The following GDNF variants were observed in gnomAD, a reference collection of about 807,000 sequenced individuals.
GDNF encodes glial cell derived neurotrophic factor.
GDNF carries 5 observed loss-of-function variants against 13.7 expected under a neutral mutation model. The ratio of observed to expected loss-of-function variants is 0.36; its 90% CI spans 0.19 to 0.77. The LOEUF is 0.77. Among genes scored for constraint, GDNF ranks in the 30% least tolerant of loss-of-function variants. GDNF has a pLI of 0.51. For synonymous variants in GDNF, 122 were observed against 112.5 expected (o/e 1.08, Z -0.53); for missense variants, 246 against 274.3 (o/e 0.90, Z 0.73).
At chr5:37,817,657 A>G (rs146792077) in intron 2 of GDNF, among the ~76,000 whole-genome samples, 22 of 152,022 alleles carry the variant, frequency 1.4e-4, no homozygotes, top group African/African-American at 4.1e-4. Flanking sequence ...GATATATAAT[A>G]ATGAAAAGAC....
intron 2 of GDNF, among the ~76,000 whole-genome samples, chr5:37,818,605 C>T (rs1750014000): frequency 6.6e-6 from 1 of 152,158 alleles, no homozygotes; most frequent in African/African-American, 2.4e-5. Flanking sequence ...CTAGTCATGA[C>T]AGATCAAGGT....
At chr5:37,831,728 C>A (rs1750529335) in intron 2 of GDNF, among the ~76,000 whole-genome samples, 1 of 152,208 alleles carries the variant, frequency 6.6e-6, no homozygotes, top group African/African-American at 2.4e-5. Context: ...TTCCTTTCAG[C>A]TCGAAAATGC....
chr5:37,837,763 C>T lies in GDNF; in HGVS notation c.-27+1744G>A, dbSNP rs1175650093. 6.6e-6 allele frequency among the ~76,000 whole-genome samples: 1 copy of T among 152,160 alleles called. No homozygotes were observed. The highest frequency in any genetic ancestry group is 1.5e-5 in the Non-Finnish European group (1 of 68,028). The stretch of plus-strand genomic sequence containing the variant: ...CTCCATTCTCGCTGGTTTTCCTCTC[C>T]CCACTTCACCTGAGCGGGTTTCTTG... On this transcript the variant is annotated intron_variant, in intron 1 of 2. Coordinates refer to ENST00000326524, the MANE Select transcript of GDNF (RefSeq NM_000514.4). The surrounding 1 kb of genome is among the most constrained non-coding windows in gnomAD (Gnocchi z 6.5).
At chr5:37,833,042 A>G (rs1035115282) in intron 2 of GDNF, among the ~76,000 whole-genome samples, 1 of 152,222 alleles carries the variant, frequency 6.6e-6, no homozygotes, top group Non-Finnish European at 1.5e-5. Flanking sequence ...AAAGTCACAG[A>G]GTTAGTTGAA....
chr5:37,837,017 G>T lies in GDNF; in HGVS notation c.-26-2195C>A, dbSNP rs1390355939. 6.6e-6 allele frequency among the ~76,000 whole-genome samples: 1 copy of T among 152,182 alleles called. No homozygotes were observed. On this transcript the variant is annotated intron_variant, in intron 1 of 2. Coordinates refer to ENST00000326524, the MANE Select transcript of GDNF (RefSeq NM_000514.4). This position sits in a 1 kb window ranked among gnomAD's most constrained non-coding sequence, Gnocchi z 6.5. ...GGATCGAGCTCCCCTCTTCCCCCGGGACAGGGAGGGCGCATTCTTCCCTCT... is the reference window on the plus strand; with the variant it reads ...GGATCGAGCTCCCCTCTTCCCCCGGTACAGGGAGGGCGCATTCTTCCCTCT...
rs1373662225 is a variant in GDNF at position 37,838,946 on chromosome 5, C to A, written c.-27+561G>T. ...AGGGCGTTAGGAACGTGCAGGCAACCGGGTGAGGAATGTAGCTTTGCCAGA... is the reference window on the plus strand; with the variant it reads ...AGGGCGTTAGGAACGTGCAGGCAACAGGGTGAGGAATGTAGCTTTGCCAGA... On this transcript the variant is annotated intron_variant, in intron 1 of 2. Coordinates refer to ENST00000326524, the MANE Select transcript of GDNF (RefSeq NM_000514.4). This position sits in a 1 kb window ranked among gnomAD's most constrained non-coding sequence, Gnocchi z 4.1. 1.3e-5 allele frequency among the ~76,000 whole-genome samples: 2 copies of A among 152,118 alleles called. No individual in the cohort carries two copies. Among genetic ancestry groups the A allele is most frequent in the African/African-American group, 2.4e-5 (1 of 41,420 alleles).
chr5:37,830,226 C>T lies in GDNF; in HGVS notation c.151+4420G>A, dbSNP rs1344609830. Among the ~76,000 whole-genome samples the T allele has an allele frequency of 3.9e-5, 6 of 152,190 alleles. No homozygotes were observed. In the East Asian group the frequency reaches 7.7e-4, roughly 20 times the overall value. ...CTGGGATGGATCATTTACAAAGATA[C>T]GCTCCATCTCCATACAGGTAGCCTC... On this transcript the variant is annotated intron_variant, in intron 2 of 2. Transcript: ENST00000326524.
intron 2 of GDNF, among the ~76,000 whole-genome samples, chr5:37,834,434 G>A (rs969660384): frequency 6.6e-6 from 1 of 152,204 alleles, no homozygotes; most frequent in Admixed American, 6.5e-5. Flanking sequence ...CTCTGTGCTG[G>A]GCAAACCAGC....
chr5:37,836,354 G>A (rs1243242680), intron 1 of GDNF, among the ~76,000 whole-genome samples: 3 of 152,050 alleles, frequency 2.0e-5, no homozygotes, highest in African/African-American at 7.2e-5. Context: ...CCCGGTGCAG[G>A]CAACCCGGGG....
rs1161519535 is a variant in GDNF, at chr5:37,815,634, A to C, written c.*17T>G. 1 of 1,610,742 alleles carries C rather than the reference A, an allele frequency of 6.2e-7. No homozygotes were observed. Among genetic ancestry groups the C allele is most frequent in the Non-Finnish European group, 8.5e-7 (1 of 1,177,030 alleles). ...CTGTAGCAGGAATGCAATACACAGC[A>C]GTCTCTGGAGCCGGAGTCAGATACA... On this transcript the variant is annotated 3_prime_UTR_variant, in exon 3 of 3. Coordinates refer to ENST00000326524, the MANE Select transcript of GDNF (RefSeq NM_000514.4). The surrounding 1 kb of genome is among the most constrained non-coding windows in gnomAD (Gnocchi z 5.0).
In GDNF at chr5:37,829,610, G is replaced by T. The variant is rs181604832; in HGVS notation, c.151+5036C>A. On this transcript the variant is annotated intron_variant, in intron 2 of 2. Transcript: ENST00000326524. ...GCTTAAGTAATTAACTAAAAAACAA[G>T]TATTTTAATCAAATGAAGGTGCTAT... is the stretch of plus-strand genomic sequence containing the variant. Among the ~76,000 whole-genome samples the T allele has an allele frequency of 1.4e-4, 21 of 152,302 alleles. 1 individual carries two copies. In the East Asian group the frequency reaches 3.5e-3, roughly 25 times the overall value.
At chr5:37,836,850 G>A (rs1229052865) in intron 1 of GDNF, among the ~76,000 whole-genome samples, 1 of 152,256 alleles carries the variant, frequency 6.6e-6, no homozygotes, top group Non-Finnish European at 1.5e-5. Context: ...GGCCGACGGA[G>A]GGCTTTTTAA....
intron 2 of GDNF, among the ~76,000 whole-genome samples, chr5:37,818,570 TACA>T (rs1750012308): frequency 6.6e-6 from 1 of 152,150 alleles, no homozygotes; most frequent in African/African-American, 2.4e-5. Context: ...AACAGACTAA[TACA>T]AGGCCCATAG....
intron 2 of GDNF, among the ~76,000 whole-genome samples, chr5:37,832,122 T>A (rs2111708624): frequency 6.6e-6 from 1 of 152,378 alleles, no homozygotes; most frequent in Admixed American, 6.5e-5. Flanking sequence ...CTGTGTATAT[T>A]CTGGTCCTCC....
rs887224895 is a variant in GDNF at position 37,839,343 on chromosome 5, C to G, written c.-27+164G>C. Among the ~76,000 whole-genome samples the G allele has an allele frequency of 6.6e-6, 1 of 152,210 alleles. No homozygotes were observed. The highest frequency in any genetic ancestry group is 1.5e-5 in the Non-Finnish European group (1 of 68,036). Reference sequence around the variant, plus strand: ...TCTCTCCGGTTCTACTTTTCTCTCTCCTCGCATAGCTTAGGTTCCCTCTAG... The same window carrying G: ...TCTCTCCGGTTCTACTTTTCTCTCTGCTCGCATAGCTTAGGTTCCCTCTAG... On this transcript the variant is annotated intron_variant, in intron 1 of 2. Transcript: ENST00000326524. This position sits in a 1 kb window ranked among gnomAD's most constrained non-coding sequence, Gnocchi z 5.5.
rs1263594044 is a variant in GDNF, at chr5:37,812,732, TAA to T, written c.*2917_*2918del. On this transcript the variant is annotated 3_prime_UTR_variant, in exon 3 of 3. Transcript: ENST00000326524. Reference sequence around the variant, plus strand: ...GTTACAAAATGATATTGTACAAAAATAAAGTCTGTAGAGAACTTTGGTTTTAT... The same window carrying T: ...GTTACAAAATGATATTGTACAAAAATAGTCTGTAGAGAACTTTGGTTTTAT... 3 of 152,302 alleles carry T rather than the reference TAA, an allele frequency of 2.0e-5. No homozygotes were observed. Among genetic ancestry groups the T allele is most frequent in the East Asian group, 3.9e-4 (2 of 5,190 alleles). 9.4% of individuals were successfully genotyped at this position (152,302 alleles called of 1,614,324 possible).
intron 1 of GDNF, among the ~76,000 whole-genome samples, chr5:37,836,424 C>T (rs1750707896): frequency 6.6e-6 from 1 of 152,130 alleles, no homozygotes; most frequent in African/African-American, 2.4e-5. Context: ...TTTACATCTC[C>T]TGAGCGTCTG....
chr5:37,826,820 C>T (rs1446833195), intron 2 of GDNF, among the ~76,000 whole-genome samples: 2 of 152,202 alleles, frequency 1.3e-5, no homozygotes, highest in African/African-American at 2.4e-5. Flanking sequence ...CTTTTCCAAT[C>T]CCTCTTTATC....
intron 2 of GDNF, among the ~76,000 whole-genome samples, chr5:37,818,865 C>T (rs1397869141): frequency 6.6e-6 from 1 of 152,204 alleles, no homozygotes; most frequent in African/African-American, 2.4e-5. Flanking sequence ...ACAAGTCCCA[C>T]CTGACCTCCC....
Sources: allele counts gnomAD v4.1 joint callset (sites outside exome capture counted in the v4.1 genomes callset), GRCh38; gene constraint gnomAD v4.1.1; non-coding constraint Gnocchi (gnomAD v3.1); transcripts MANE v1.5; gene names NCBI Gene and HGNC (gene_info 2026-07-23, HGNC 2026-07-21).